GPC3: variants seen among roughly 807,000 people sequenced by gnomAD.
The protein encoded by GPC3 is glypican 3.
GPC3 carries 3 observed loss-of-function variants against 34.4 expected under a neutral mutation model. The observed-to-expected ratio is 0.09, with a 90% CI of 0.04 to 0.23. The LOEUF (loss-of-function observed/expected upper bound fraction) is 0.23. Among genes scored for constraint, GPC3 ranks in the 10% least tolerant of loss-of-function variants. The pLI is 1.00. For missense variants in GPC3, 351 were observed against 445.6 expected (o/e 0.79, Z 1.91); for synonymous variants, 177 against 174.0 (o/e 1.02, Z -0.13).
intron 7 of GPC3, among the ~76,000 whole-genome samples, chrX:133,576,353 C>T (rs1049213817): frequency 4.5e-5 from 5 of 111,368 alleles, no homozygotes; most frequent in African/African-American, 1.6e-4. Flanking sequence ...AAGTGATTCT[C>T]GTGCCTCATC....
chrX:133,886,035 C>T (rs1461142477), intron 2 of GPC3, among the ~76,000 whole-genome samples: 1 of 111,481 alleles, frequency 9.0e-6, no homozygotes, highest in African/African-American at 3.3e-5. Flanking sequence ...TTATTGAGCT[C>T]TTACAATATA....
At chrX:133,909,857 T>A (rs2076189226) in intron 2 of GPC3, among the ~76,000 whole-genome samples, 1 of 111,619 alleles carries the variant, frequency 9.0e-6, no homozygotes, top group Admixed American at 9.6e-5. Flanking sequence ...TCTGAGTATA[T>A]GAGACCATAC....
At chrX:133,621,346 G>C (rs2070230207) in intron 6 of GPC3, among the ~76,000 whole-genome samples, 1 of 111,833 alleles carries the variant, frequency 8.9e-6, no homozygotes, top group Non-Finnish European at 1.9e-5. Context: ...GCCGAAGCAG[G>C]GCAGGGCATC....
chrX:133,911,439 G>A (rs1196859947), intron 2 of GPC3, among the ~76,000 whole-genome samples: 3 of 111,534 alleles, frequency 2.7e-5, no homozygotes, highest in East Asian at 2.8e-4. Context: ...ATATCCAGGC[G>A]CTCAGATTTT....
chrX:133,831,506 G>A (rs748100329), intron 2 of GPC3, among the ~76,000 whole-genome samples: 16 of 111,824 alleles, frequency 1.4e-4, no homozygotes, highest in Non-Finnish European at 2.8e-4. Flanking sequence ...CAAGGCAGGC[G>A]GATCACCTGA....
chrX:133,855,930 T>C (rs1428775988), intron 2 of GPC3, among the ~76,000 whole-genome samples: 2 of 111,925 alleles, frequency 1.8e-5, no homozygotes, highest in South Asian at 3.8e-4. Context: ...GGTCCATCCA[T>C]ACTGTGGCAA....
intron 6 of GPC3, among the ~76,000 whole-genome samples, chrX:133,623,715 C>T (rs1450365218): frequency 9.0e-6 from 1 of 111,501 alleles, no homozygotes; most frequent in Non-Finnish European, 1.9e-5. Context: ...TAATGGGAGA[C>T]TTTAACACCC....
At chrX:133,557,761 A>T (rs960837410) in intron 7 of GPC3, among the ~76,000 whole-genome samples, 1 of 111,733 alleles carries the variant, frequency 8.9e-6, no homozygotes, top group African/African-American at 3.3e-5. Context: ...GACATTTTGG[A>T]CCTGAGACCC....
At chrX:133,672,711 C>T (rs1390063080) in intron 5 of GPC3, among the ~76,000 whole-genome samples, 3 of 111,835 alleles carry the variant, frequency 2.7e-5, no homozygotes, top group East Asian at 2.8e-4. Flanking sequence ...AGTGCAGTGG[C>T]GCGATCTCCG....
chrX:133,961,456 C>T (rs2076441100), intron 1 of GPC3, among the ~76,000 whole-genome samples: 2 of 111,779 alleles, frequency 1.8e-5, no homozygotes, highest in Admixed American at 1.9e-4. Flanking sequence ...GGTTGAATCC[C>T]CAGATCACTA....
At chrX:133,958,736 A>C (rs1447908633) in intron 1 of GPC3, among the ~76,000 whole-genome samples, 3 of 105,555 alleles carry the variant, frequency 2.8e-5, no homozygotes, top group South Asian at 4.4e-4. Flanking sequence ...AAAAAAAAAA[A>C]CAGCCAGGCA....
At chrX:133,618,040 A>G (rs1603195668) in intron 6 of GPC3, among the ~76,000 whole-genome samples, 1 of 112,498 alleles carries the variant, frequency 8.9e-6, no homozygotes, top group African/African-American at 3.2e-5. Flanking sequence ...GATTTTCAGT[A>G]GTGCCACATA....
chrX:133,732,747 G>A (rs2071473732), intron 3 of GPC3, among the ~76,000 whole-genome samples: 1 of 111,860 alleles, frequency 8.9e-6, no homozygotes, highest in Admixed American at 9.4e-5. Context: ...ACCCAAATTG[G>A]CATCTAAAGT....
Position 133,960,237 on chromosome X carries a change from G to A in GPC3, c.176-7026C>T, listed in dbSNP as rs767769032. Among the ~76,000 whole-genome samples, 3 of 110,001 alleles carry A rather than the reference G, an allele frequency of 2.7e-5. No homozygotes were observed. The South Asian group carries it at 1.2e-3, about 43-fold the overall frequency. On this transcript the variant is annotated intron_variant, in intron 1 of 7. Coordinates refer to ENST00000370818, the MANE Select transcript of GPC3 (RefSeq NM_004484.4). ...AGGTAAGACAGACCCAAATTTGAAG[G>A]GCCTTGAATGCAGGCAGAGACCTGT...
At chrX:133,985,011 C>G (rs1325513961) in intron 1 of GPC3, among the ~76,000 whole-genome samples, 1 of 111,978 alleles carries the variant, frequency 8.9e-6, no homozygotes, top group Non-Finnish European at 1.9e-5. Context: ...CGGGCGCTCA[C>G]GAGAAGGCGA....
At chrX:133,902,686 G>A (rs1363005224) in intron 2 of GPC3, among the ~76,000 whole-genome samples, 1 of 111,662 alleles carries the variant, frequency 9.0e-6, no homozygotes, top group Non-Finnish European at 1.9e-5. Flanking sequence ...TTGCACCACT[G>A]CAACCCAACC....
chrX:133,799,383 C>T (rs188372725), intron 2 of GPC3, among the ~76,000 whole-genome samples: 238 of 110,964 alleles, frequency 2.1e-3, no homozygotes, highest in African/African-American at 7.2e-3. Context: ...CAGAGCCAGA[C>T]CCTGTCTCAA....
At chrX:133,819,117 A>G (rs1435628024) in intron 2 of GPC3, among the ~76,000 whole-genome samples, 1 of 100,460 alleles carries the variant, frequency 1.0e-5, no homozygotes, top group Non-Finnish European at 2.0e-5. Flanking sequence ...AGCATTAGGT[A>G]TATATCCTAA....
At chrX:133,943,472 G>T (rs937209788) in intron 2 of GPC3, among the ~76,000 whole-genome samples, 18 of 112,556 alleles carry the variant, frequency 1.6e-4, no homozygotes, top group Admixed American at 1.6e-3. Flanking sequence ...AAATTCAGCA[G>T]TCTTGGGTCT....
Sources: allele counts gnomAD v4.1 joint callset (sites outside exome capture counted in the v4.1 genomes callset), GRCh38; gene constraint gnomAD v4.1.1; transcripts MANE v1.5; gene names NCBI Gene and HGNC (gene_info 2026-07-23, HGNC 2026-07-21).